SMYD3: variants seen among roughly 807,000 people sequenced by gnomAD.
SMYD3 encodes the protein histone-lysine N-methyltransferase SMYD3.
SMYD3 carries 36 observed loss-of-function variants against 57.7 expected under a neutral mutation model. That is an observed-to-expected ratio of 0.62 (90% CI 0.48 to 0.82). SMYD3 has a LOEUF of 0.82. Among genes scored for constraint, SMYD3 ranks in the 40% least tolerant of loss-of-function variants. SMYD3 has a pLI of 0.00. For missense variants in SMYD3, 515 were observed against 538.8 expected (o/e 0.96, Z 0.44); for synonymous variants, 211 against 195.0 (o/e 1.08, Z -0.68).
intron 5 of SMYD3, among the ~76,000 whole-genome samples, chr1:246,164,175 T>C (rs915552639): frequency 3.3e-5 from 5 of 152,166 alleles, no homozygotes; most frequent in African/African-American, 1.2e-4. Flanking sequence ...AAATAAGGCT[T>C]CTTGGGAGGC....
chr1:246,288,327 C>A (rs1297503205), intron 5 of SMYD3, among the ~76,000 whole-genome samples: 5 of 151,910 alleles, frequency 3.3e-5, no homozygotes, highest in African/African-American at 1.2e-4. Context: ...AATGTGCAGC[C>A]TGGATTTAGA....
At chr1:246,107,221 A>G (rs898377520) in intron 5 of SMYD3, among the ~76,000 whole-genome samples, 1 of 151,552 alleles carries the variant, frequency 6.6e-6, no homozygotes, top group African/African-American at 2.4e-5. Context: ...TGGGAGGCGG[A>G]GCTTGCAGTG....
intron 5 of SMYD3, among the ~76,000 whole-genome samples, chr1:246,062,309 G>A (rs1032611414): frequency 1.3e-5 from 2 of 152,132 alleles, no homozygotes; most frequent in Non-Finnish European, 2.9e-5. Flanking sequence ...ATTTGACAAT[G>A]ACTTGGCCTT....
chr1:246,247,485 A>ATT (rs138494796), intron 5 of SMYD3, among the ~76,000 whole-genome samples: 53 of 138,066 alleles, frequency 3.8e-4, no homozygotes, highest in Middle Eastern at 3.6e-3. Flanking sequence ...ATATATATAT[A>ATT]TTTTTTAACA....
chr1:245,985,307 A>C (rs1258385620), intron 5 of SMYD3, among the ~76,000 whole-genome samples: 1 of 152,140 alleles, frequency 6.6e-6, no homozygotes, highest in Non-Finnish European at 1.5e-5. Flanking sequence ...TCAAATCTAG[A>C]CTTCTCTTCT....
intron 5 of SMYD3, among the ~76,000 whole-genome samples, chr1:246,055,560 C>A (rs532574603): frequency 6.6e-6 from 1 of 152,080 alleles, no homozygotes; most frequent in African/African-American, 2.4e-5. Flanking sequence ...CACCTTTGCT[C>A]GCTGCAGTAC....
intron 5 of SMYD3, among the ~76,000 whole-genome samples, chr1:246,120,787 G>A (rs982291534): frequency 6.6e-6 from 1 of 152,256 alleles, no homozygotes; most frequent in Non-Finnish European, 1.5e-5. Context: ...CAGACACTCT[G>A]AATGTATTTG....
Position 245,753,513 on chromosome 1 carries a change from G to A in SMYD3, c.1186-3849C>T, listed in dbSNP as rs184821150. Among the ~76,000 whole-genome samples the A allele has an allele frequency of 2.4e-3, 360 of 152,328 alleles. 4 individuals carry two copies. The highest frequency in any genetic ancestry group is 8.1e-3 in the African/African-American group (336 of 41,578). On this transcript the variant is annotated intron_variant, in intron 11 of 11. Coordinates refer to ENST00000490107, the MANE Select transcript of SMYD3 (RefSeq NM_001167740.2). ...TCACACCTGGTGATGAGGACATCTG[G>A]TCCTTGTCTTGAACATCACCTGGGC...
chr1:246,493,211 G>A (rs559945732), intron 1 of SMYD3, among the ~76,000 whole-genome samples: 4 of 143,872 alleles, frequency 2.8e-5, no homozygotes, highest in African/African-American at 5.0e-5. Flanking sequence ...CTAGCTACTG[G>A]GGGGGAGGAG....
chr1:246,135,205 T>G (rs768690837), intron 5 of SMYD3, among the ~76,000 whole-genome samples: 6 of 152,146 alleles, frequency 3.9e-5, no homozygotes, highest in Non-Finnish European at 8.8e-5. Context: ...TCCTTTCTAA[T>G]AGGTCTCACT....
Position 245,822,574 on chromosome 1 carries a change from C to T in SMYD3, c.1076+35922G>A, listed in dbSNP as rs1462525118. On this transcript the variant is annotated intron_variant, in intron 10 of 11. Coordinates refer to ENST00000490107, the MANE Select transcript of SMYD3 (RefSeq NM_001167740.2). ...ATAAAAGAAAAAAAAAAAAAGCCAC[C>T]GCCAGCATGCCTCTAGTTGCTGCCT... Among the ~76,000 whole-genome samples the T allele has an allele frequency of 4.0e-5, 6 of 151,068 alleles. No individual in the cohort carries two copies. The South Asian group carries it at 8.4e-4, about 21-fold the overall frequency.
chr1:246,344,561 G>C (rs1249737387), intron 2 of SMYD3, among the ~76,000 whole-genome samples: 1 of 152,158 alleles, frequency 6.6e-6, no homozygotes, highest in East Asian at 1.9e-4. Flanking sequence ...TTTTGTAGAT[G>C]TAAGTTTTCA....
At chr1:246,406,161 C>T (rs2066863727) in intron 1 of SMYD3, among the ~76,000 whole-genome samples, 1 of 151,894 alleles carries the variant, frequency 6.6e-6, no homozygotes, top group African/African-American at 2.4e-5. Flanking sequence ...CAGGCTCAAG[C>T]AATCTGCCTG....
chr1:246,185,221 A>G (rs2148299704), intron 5 of SMYD3, among the ~76,000 whole-genome samples: 1 of 152,232 alleles, frequency 6.6e-6, no homozygotes, highest in South Asian at 2.1e-4. Context: ...GAAAACTGTC[A>G]ATAGCAATTC....
At chr1:245,917,286 C>T (rs966105260) in intron 7 of SMYD3, among the ~76,000 whole-genome samples, 5 of 152,200 alleles carry the variant, frequency 3.3e-5, no homozygotes, top group African/African-American at 1.2e-4. Context: ...TCCTCCTTGA[C>T]CTCCCATGGA....
chr1:246,327,937 T>C (rs561269450), intron 4 of SMYD3, among the ~76,000 whole-genome samples: 3 of 152,190 alleles, frequency 2.0e-5, no homozygotes, highest in Non-Finnish European at 4.4e-5. Flanking sequence ...CTCACGCCTG[T>C]AACCCCAACA....
At chr1:245,884,199 C>T (rs1429709414) in intron 8 of SMYD3, among the ~76,000 whole-genome samples, 1 of 152,164 alleles carries the variant, frequency 6.6e-6, no homozygotes, top group African/African-American at 2.4e-5. Flanking sequence ...GTCTATTTCT[C>T]CCAATCTTAG....
At chr1:245,951,429 C>T (rs552749601) in intron 5 of SMYD3, among the ~76,000 whole-genome samples, 8 of 137,672 alleles carry the variant, frequency 5.8e-5, no homozygotes, top group African/African-American at 1.8e-4. Context: ...ATTAGCTGGG[C>T]GAGGTGGTGC....
At chr1:245,908,329 A>G (rs1228660580) in intron 8 of SMYD3, among the ~76,000 whole-genome samples, 1 of 152,206 alleles carries the variant, frequency 6.6e-6, no homozygotes, top group Non-Finnish European at 1.5e-5. Flanking sequence ...TATGCGCCCA[A>G]ACTGGAGCAC....
Sources: gnomAD v4.1 joint callset for allele counts (sites outside exome capture counted in the v4.1 genomes callset) on GRCh38, gnomAD v4.1.1 for gene constraint, MANE v1.5 for transcripts, NCBI Gene and HGNC (gene_info 2026-07-23, HGNC 2026-07-21) for gene names.